The following GEMIN8 variants were observed in gnomAD, a reference collection of about 807,000 sequenced individuals.
GEMIN8 encodes gem nuclear organelle associated protein 8.
For synonymous variants in GEMIN8, 80 were observed against 78.5 expected (o/e 1.02, Z -0.10); for missense variants, 185 against 205.9 (o/e 0.90, Z 0.62).
chrX:14,020,078 G>T lies in GEMIN8; in HGVS notation c.472C>A (p.Arg158=), dbSNP rs759594468. Reference sequence around the variant, plus strand: ...TGAAGAGACAGAGGCCTGAACTTACGTCGTTCTTCTCTATGCCTCTCGGTC... The same window carrying T: ...TGAAGAGACAGAGGCCTGAACTTACTTCGTTCTTCTCTATGCCTCTCGGTC... The part of the protein sequence containing the change: ...AETERHREER[R]RQQQLDAERL... Residue 158 remains arginine (R), a splice_region_variant and synonymous_variant, in exon 4 of 5, where the codon CGG becomes AGG. Transcript: ENST00000680255. 4 of 1,153,540 alleles carry T rather than the reference G, an allele frequency of 3.5e-6. No individual in the cohort carries two copies. Among genetic ancestry groups the T allele is most frequent in the Non-Finnish European group, 4.7e-6 (4 of 847,118 alleles).
the GEMIN8 span, chrX:13,988,813 G>A: frequency 1.0e-5 from 1 of 100,058 alleles, no homozygotes; most frequent in African/African-American, 3.7e-5. Context: ...TGTCAATACA[G>A]GATTAAGAAG....
At chrX:14,028,653 T>C (rs755566689) in intron 1 of GEMIN8, among the ~76,000 whole-genome samples, 1 of 111,541 alleles carries the variant, frequency 9.0e-6, no homozygotes, top group African/African-American at 3.3e-5. Flanking sequence ...TCACCATCTA[T>C]AGAACAGTTT....
chrX:13,994,924 A>G, the GEMIN8 span, among the ~76,000 whole-genome samples: 1 of 112,293 alleles, frequency 8.9e-6, no homozygotes, highest in Admixed American at 9.5e-5. Context: ...GTTTATTACG[A>G]AGAATTGACT....
the GEMIN8 span, among the ~76,000 whole-genome samples, chrX:14,001,446 C>T: frequency 6.2e-5 from 7 of 112,302 alleles, 1 homozygote; most frequent in Admixed American, 3.8e-4. Context: ...ATCAATTTGT[C>T]CAAGTTAGGA....
downstream of GEMIN8, among the ~76,000 whole-genome samples, chrX:14,001,977 C>T (rs911804577): frequency 5.6e-5 from 6 of 107,328 alleles, no homozygotes; most frequent in Non-Finnish European, 1.2e-4. Context: ...ACAAAAAAGC[C>T]GGGCGTGGTG....
intron 2 of GEMIN8, among the ~76,000 whole-genome samples, chrX:14,025,131 C>T (rs917113117): frequency 1.8e-5 from 2 of 111,812 alleles, no homozygotes; most frequent in African/African-American, 6.5e-5. Context: ...ATTACACATT[C>T]GTCTCTCAAA....
In GEMIN8 at chrX:14,020,373, C is replaced by T. The variant is rs1924226371; in HGVS notation, c.177G>A (p.Ala59=). ...CFNLPWYLPS[A]LLPQSSYDNE... ...TATCGTAAGAGCTTTGGGGAAGAAG[C>T]GCAGAAGGTAAGTACCATGGAAGAT... The change falls in exon 4 of 5, where the codon GCG becomes GCA. Residue 59 remains alanine, a synonymous_variant. Transcript: ENST00000680255. The T allele has an allele frequency of 8.3e-7, 1 of 1,210,899 alleles. No individual in the cohort carries two copies. The highest frequency in any genetic ancestry group is 1.7e-5 in the African/African-American group (1 of 57,743).
intron 3 of GEMIN8, among the ~76,000 whole-genome samples, chrX:14,020,881 C>T (rs1924264344): frequency 9.0e-6 from 1 of 111,041 alleles, no homozygotes; most frequent in African/African-American, 3.3e-5. Flanking sequence ...CCTCTCTACC[C>T]ACTGTAATTA....
intron 4 of GEMIN8, chrX:14,014,531 G>A (rs1923783484): frequency 6.7e-6 from 5 of 749,324 alleles, no homozygotes; most frequent in Admixed American, 8.8e-5. Flanking sequence ...GTGCACCTGT[G>A]AATATCTGCA....
At chrX:14,026,425 G>A (rs1924699352) in intron 1 of GEMIN8, 15 of 743,152 alleles carry the variant, frequency 2.0e-5, no homozygotes, top group Non-Finnish European at 2.4e-5. Context: ...AAACACTGAC[G>A]AGGCCTATAG....
chrX:14,013,163 G>A (rs966182677), intron 4 of GEMIN8, among the ~76,000 whole-genome samples: 4 of 111,732 alleles, frequency 3.6e-5, no homozygotes, highest in Non-Finnish European at 7.5e-5. Context: ...CAACGAAAAC[G>A]GATTCTCAAT....
the GEMIN8 span, among the ~76,000 whole-genome samples, chrX:13,995,971 A>G: frequency 1.8e-5 from 2 of 111,954 alleles, no homozygotes; most frequent in Non-Finnish European, 3.8e-5. Flanking sequence ...GTCATTTTCT[A>G]ACTTCCCACT....
Position 14,013,051 on chromosome X carries a change from C to T in GEMIN8, c.473-3882G>A, listed in dbSNP as rs751671622. Among the ~76,000 whole-genome samples, 10 of 112,638 alleles carry T rather than the reference C, an allele frequency of 8.9e-5. No individual in the cohort carries two copies. In the South Asian group the frequency reaches 1.1e-3, roughly 12 times the overall value. ...CAGCCAGCATGTGAAAGTACTTTAG[C>T]GTGTACTGACTTAGGGGACCAAGTA... On this transcript the variant is annotated intron_variant, in intron 4 of 4. Coordinates refer to ENST00000680255, the MANE Select transcript of GEMIN8 (RefSeq NM_001042479.2).
At chrX:14,001,895 G>A (rs1011021378), downstream of GEMIN8, among the ~76,000 whole-genome samples, 11 of 106,769 alleles carry the variant, frequency 1.0e-4, no homozygotes, top group African/African-American at 3.7e-4. Context: ...GGCCGAGGTG[G>A]GCGGATCACC....
chrX:13,998,293 C>T, the GEMIN8 span, among the ~76,000 whole-genome samples: 1 of 109,822 alleles, frequency 9.1e-6, no homozygotes, highest in Non-Finnish European at 1.9e-5. Flanking sequence ...CTTTGTGTCC[C>T]CACCCGAATT....
chrX:14,025,807 A>C (rs1428395573), intron 2 of GEMIN8, among the ~76,000 whole-genome samples: 1 of 112,106 alleles, frequency 8.9e-6, no homozygotes, highest in African/African-American at 3.2e-5. Context: ...CAGAGCTCTG[A>C]ATCTCTATTC....
At chrX:14,017,771 G>A (rs1208189442) in intron 4 of GEMIN8, among the ~76,000 whole-genome samples, 1 of 112,079 alleles carries the variant, frequency 8.9e-6, no homozygotes, top group Admixed American at 9.4e-5. Context: ...ATAAGGACCT[G>A]AGTCACATAG....
Position 14,009,142 on chromosome X carries a change from C to T in GEMIN8, c.500G>A (p.Arg167His), listed in dbSNP as rs1487468361. The change falls in exon 5 of 5, where the codon CGC becomes CAC. Residue 167 changes from arginine to histidine, a missense_variant. Physicochemically the swap from Arg to His is conservative, Grantham distance 29. Coordinates refer to ENST00000680255, the MANE Select transcript of GEMIN8 (RefSeq NM_001042479.2). ...GTCAGCGTTCACATAGCTGTCCAGG[C>T]GCTCTGCATCCAGCTGCTGCTGCCG... Reference protein sequence around the residue: ...RRRQQQLDAERLDSYVNADHD... With the variant: ...RRRQQQLDAEHLDSYVNADHD... 67 of 1,209,608 alleles carry T rather than the reference C, an allele frequency of 5.5e-5. No individual in the cohort carries two copies. The highest frequency in any genetic ancestry group is 2.3e-4 in the Middle Eastern group (1 of 4,348).
At position 14,009,183 on chromosome X, in the gene GEMIN8, C is replaced by A; in HGVS notation, c.473-14G>T. On this transcript the variant is annotated splice_polypyrimidine_tract_variant and intron_variant, in intron 4 of 4. Transcript: ENST00000680255. ...GCTGCTGCCGCCCTGAGAACAAACACGAACGTGAACATGAACATAAACACA... is the reference window on the plus strand; with the variant it reads ...GCTGCTGCCGCCCTGAGAACAAACAAGAACGTGAACATGAACATAAACACA... 8.3e-7 allele frequency: 1 copy of A among 1,207,934 alleles called. No homozygotes were observed. The highest frequency in any genetic ancestry group is 3.0e-5 in the East Asian group (1 of 33,789).
Sources: allele counts gnomAD v4.1 joint callset (sites outside exome capture counted in the v4.1 genomes callset), GRCh38; gene constraint gnomAD v4.1.1; transcripts MANE v1.5; gene names NCBI Gene and HGNC (gene_info 2026-07-23, HGNC 2026-07-21).